LRRC75A: variants seen among roughly 807,000 people sequenced by gnomAD.
LRRC75A encodes leucine-rich repeat-containing protein 75A.
A neutral mutation model predicts 26.0 loss-of-function variants in LRRC75A; 12 were observed. The ratio of observed to expected loss-of-function variants is 0.46; its 90% CI spans 0.30 to 0.75. The LOEUF (loss-of-function observed/expected upper bound fraction) is 0.75, where lower values mean the gene tolerates loss of function less well. Ranked by LOEUF, LRRC75A falls within the 30% of genes least tolerant of loss-of-function variation. LRRC75A has a pLI of 0.08. For missense variants in LRRC75A, 410 were observed against 486.6 expected, an observed-to-expected ratio of 0.84 and a Z score of 1.48; for synonymous variants, 223 against 219.3, an observed-to-expected ratio of 1.02 and a Z score of -0.15.
At chr17:16,484,006 C>G (rs956234928) in intron 1 of LRRC75A, among the ~76,000 whole-genome samples, 1 of 152,078 alleles carries the variant, frequency 6.6e-6, no homozygotes, top group Non-Finnish European at 1.5e-5. Flanking sequence ...TAAAAACCAC[C>G]ATTTTTACTT....
intron 1 of LRRC75A, among the ~76,000 whole-genome samples, chr17:16,477,555 C>T (rs2093823994): frequency 6.6e-6 from 1 of 152,226 alleles, no homozygotes; most frequent in Non-Finnish European, 1.5e-5. Flanking sequence ...TGTGCTCTTC[C>T]ACCTCTCCAC....
At chr17:16,489,743 C>T (rs1253638807) in intron 1 of LRRC75A, among the ~76,000 whole-genome samples, 1 of 152,244 alleles carries the variant, frequency 6.6e-6, no homozygotes, top group Non-Finnish European at 1.5e-5. Flanking sequence ...CACAGGGCAG[C>T]TCCAGGCCCA....
At chr17:16,453,746 T>C (rs1190335864) in intron 2 of LRRC75A, among the ~76,000 whole-genome samples, 2 of 151,758 alleles carry the variant, frequency 1.3e-5, no homozygotes, top group Non-Finnish European at 2.9e-5. Flanking sequence ...CTAACGGAAA[T>C]TGGAAGGCCT....
chr17:16,444,530 GGCAGCTCAGCCC>G (rs2093564118), intron 3 of LRRC75A, among the ~76,000 whole-genome samples: 1 of 152,148 alleles, frequency 6.6e-6, no homozygotes, highest in Non-Finnish European at 1.5e-5. Context: ...ACCCTGGGGT[GGCAGCTCAGCCC>G]CCATGAATGG....
At chr17:16,464,604 CCTT>C (rs2093753868) in intron 1 of LRRC75A, among the ~76,000 whole-genome samples, 1 of 152,210 alleles carries the variant, frequency 6.6e-6, no homozygotes, top group South Asian at 2.1e-4. Context: ...CCCGTCCTCA[CCTT>C]CTGCAGGGGT....
At chr17:16,452,580 C>T (rs560180794) in intron 2 of LRRC75A, among the ~76,000 whole-genome samples, 77 of 152,098 alleles carry the variant, frequency 5.1e-4, no homozygotes, top group Non-Finnish European at 8.4e-4. Flanking sequence ...TGATTACAGA[C>T]GCCTGCCACC....
intron 1 of LRRC75A, among the ~76,000 whole-genome samples, chr17:16,476,643 C>A (rs1054449104): frequency 8.6e-5 from 13 of 151,664 alleles, no homozygotes; most frequent in Admixed American, 5.9e-4. Flanking sequence ...CGGCTCACTG[C>A]AACCTCTGCC....
chr17:16,446,073 T>C (rs1229430811), intron 3 of LRRC75A, among the ~76,000 whole-genome samples: 1 of 152,212 alleles, frequency 6.6e-6, no homozygotes, highest in African/African-American at 2.4e-5. Context: ...CATGCCCAGC[T>C]AATTTTTTTA....
intron 2 of LRRC75A, among the ~76,000 whole-genome samples, chr17:16,451,675 C>T (rs2093632208): frequency 6.6e-6 from 1 of 151,684 alleles, no homozygotes; most frequent in South Asian, 2.1e-4. Flanking sequence ...TAGGAGGTGA[C>T]ACTGGAGATG....
At chr17:16,484,147 C>A (rs1174196760) in intron 1 of LRRC75A, among the ~76,000 whole-genome samples, 1 of 152,002 alleles carries the variant, frequency 6.6e-6, no homozygotes, top group Non-Finnish European at 1.5e-5. Context: ...ACCATCCTGG[C>A]CAACATAGTG....
chr17:16,453,377 A>G (rs548948874), intron 2 of LRRC75A, among the ~76,000 whole-genome samples: 4 of 151,994 alleles, frequency 2.6e-5, no homozygotes, highest in Non-Finnish European at 5.9e-5. Context: ...AACAGAGGAC[A>G]AGGGGGCATC....
intron 3 of LRRC75A, 128 bp downstream of exon 3, chr17:16,447,717 A>C: frequency 3.1e-6 from 2 of 649,566 alleles, no homozygotes; most frequent in Non-Finnish European, 5.2e-6. Context: ...CTTCCATCTT[A>C]CCTCCTTCAG....
At chr17:16,482,756 C>A (rs2093837495) in intron 1 of LRRC75A, among the ~76,000 whole-genome samples, 1 of 152,210 alleles carries the variant, frequency 6.6e-6, no homozygotes, top group Non-Finnish European at 1.5e-5. Flanking sequence ...TCAGCGACTG[C>A]CCTGAGCCCT....
chr17:16,482,172 T>C (rs1386232591), intron 1 of LRRC75A, among the ~76,000 whole-genome samples: 5 of 152,140 alleles, frequency 3.3e-5, no homozygotes, highest in Non-Finnish European at 7.4e-5. Context: ...TGTGACTGCA[T>C]AGACAGAAAC....
chr17:16,460,615 C>T (rs1185126148), intron 2 of LRRC75A, among the ~76,000 whole-genome samples: 2 of 152,256 alleles, frequency 1.3e-5, no homozygotes, highest in African/African-American at 4.8e-5. Flanking sequence ...CTGTGTCCCG[C>T]CCGGCTCTGG....
rs149250833 is a variant in LRRC75A at position 16,457,073 on chromosome 17, G to C, written c.375+5185C>G. Among the ~76,000 whole-genome samples the C allele has an allele frequency of 3.1e-4, 47 of 152,282 alleles. No individual in the cohort carries two copies. The East Asian group carries it at 8.3e-3, about 27-fold the overall frequency. ...TGCTGACCTGCAGGCTGACCTGGGA[G>C]GGGTACCAGCACCCGACACTGCTCT... On this transcript the variant is annotated intron_variant, in intron 2 of 3. Transcript: ENST00000470794.
intron 2 of LRRC75A, among the ~76,000 whole-genome samples, chr17:16,453,764 A>G (rs1406267682): frequency 6.7e-6 from 1 of 149,758 alleles, no homozygotes; most frequent in Non-Finnish European, 1.5e-5. Flanking sequence ...CCTCAGAAGC[A>G]AAGTTTTTCT....
intron 1 of LRRC75A, among the ~76,000 whole-genome samples, chr17:16,473,129 C>G (rs2093811610): frequency 2.0e-5 from 3 of 149,058 alleles, no homozygotes; most frequent in East Asian, 2.0e-4. Flanking sequence ...TGTAAGTAGT[C>G]TGTGTGTGTG....
chr17:16,473,987 G>C (rs1568980760), intron 1 of LRRC75A, among the ~76,000 whole-genome samples: 1 of 152,358 alleles, frequency 6.6e-6, no homozygotes, highest in East Asian at 1.9e-4. Flanking sequence ...TCTGGAAACA[G>C]ATGCCCAGCC....
Sources: allele counts gnomAD v4.1 joint callset (sites outside exome capture counted in the v4.1 genomes callset), GRCh38; gene constraint gnomAD v4.1.1; transcripts MANE v1.5; gene names NCBI Gene and HGNC (gene_info 2026-07-23, HGNC 2026-07-21).